CSTPP1: variants seen among roughly 807,000 people sequenced by gnomAD.
CSTPP1 encodes the protein UPF0705 protein C11orf49.
chr11:47,152,028 T>C, the CSTPP1 span, among the ~76,000 whole-genome samples: 2 of 152,030 alleles, frequency 1.3e-5, no homozygotes, highest in African/African-American at 4.8e-5. Flanking sequence ...TATAGGCGGA[T>C]CACTTGAGGT....
chr11:47,038,659 G>T, the CSTPP1 span, among the ~76,000 whole-genome samples: 1 of 122,224 alleles, frequency 8.2e-6, no homozygotes, highest in Admixed American at 8.5e-5. Flanking sequence ...TCCCGGACGG[G>T]GTGGCTGGCC....
the CSTPP1 span, among the ~76,000 whole-genome samples, chr11:46,942,877 G>T: frequency 6.6e-6 from 1 of 152,110 alleles, no homozygotes; most frequent in Admixed American, 6.5e-5. Flanking sequence ...TCATACCCAG[G>T]TTTGTCATAT....
the CSTPP1 span, among the ~76,000 whole-genome samples, chr11:46,937,472 G>C: frequency 6.6e-6 from 1 of 152,200 alleles, no homozygotes; most frequent in Non-Finnish European, 1.5e-5. Flanking sequence ...GTAGTACTTT[G>C]TTGAGCATCT....
At chr11:47,156,589 A>G in the CSTPP1 span, among the ~76,000 whole-genome samples, 1 of 152,186 alleles carries the variant, frequency 6.6e-6, no homozygotes, top group East Asian at 1.9e-4. Context: ...CACTCCTCCA[A>G]AAAATATTTA....
At chr11:47,116,772 C>T in the CSTPP1 span, among the ~76,000 whole-genome samples, 10 of 151,066 alleles carry the variant, frequency 6.6e-5, no homozygotes, top group African/African-American at 2.0e-4. Context: ...CTCCGCCTCC[C>T]GGGTTCACGC....
chr11:47,025,052 A>G, the CSTPP1 span, among the ~76,000 whole-genome samples: 47 of 152,194 alleles, frequency 3.1e-4, no homozygotes, highest in African/African-American at 1.1e-3. Context: ...ATTTGTGCCT[A>G]TAGTGCCCTT....
chr11:47,080,806 C>T, the CSTPP1 span, among the ~76,000 whole-genome samples: 3 of 151,850 alleles, frequency 2.0e-5, no homozygotes, highest in Non-Finnish European at 2.9e-5. Context: ...CCTAGGAGTT[C>T]GAGACCAGCC....
At chr11:47,111,570 C>T in the CSTPP1 span, among the ~76,000 whole-genome samples, 948 of 152,288 alleles carry the variant, frequency 6.2e-3, 14 homozygotes, top group African/African-American at 0.022. Context: ...CCACACCCCA[C>T]TCCTTCCCTG....
the CSTPP1 span, chr11:46,987,503 T>A: frequency 3.5e-6 from 2 of 568,432 alleles, no homozygotes; most frequent in East Asian, 5.7e-5. Flanking sequence ...TGTCCAGTGA[T>A]GTCTCATGAA....
the CSTPP1 span, among the ~76,000 whole-genome samples, chr11:47,028,930 CG>C: frequency 6.6e-6 from 1 of 152,136 alleles, no homozygotes; most frequent in Non-Finnish European, 1.5e-5. Flanking sequence ...CTCTCCCTCC[CG>C]GGCTCAAGCC....
At chr11:47,068,816 T>C in the CSTPP1 span, among the ~76,000 whole-genome samples, 1 of 152,212 alleles carries the variant, frequency 6.6e-6, no homozygotes, top group African/African-American at 2.4e-5. Flanking sequence ...CTTGACAACA[T>C]CTGTCTTCTC....
At chr11:47,045,704 A>G in the CSTPP1 span, among the ~76,000 whole-genome samples, 2 of 152,238 alleles carry the variant, frequency 1.3e-5, no homozygotes, top group East Asian at 1.9e-4. Flanking sequence ...GGGAAACAGT[A>G]GTGAGCATGA....
At chr11:47,128,719 T>A in the CSTPP1 span, among the ~76,000 whole-genome samples, 1 of 152,150 alleles carries the variant, frequency 6.6e-6, no homozygotes, top group Non-Finnish European at 1.5e-5. Context: ...GTATATATAT[T>A]AAAACATTTT....
chr11:47,054,228 G>A, the CSTPP1 span, among the ~76,000 whole-genome samples: 3 of 148,212 alleles, frequency 2.0e-5, no homozygotes, highest in Admixed American at 2.0e-4. Flanking sequence ...GGAGAATGGT[G>A]TGAACCCAGG....
the CSTPP1 span, among the ~76,000 whole-genome samples, chr11:46,957,853 A>G: frequency 6.6e-6 from 1 of 152,246 alleles, no homozygotes; most frequent in Admixed American, 6.5e-5. Context: ...CTTTTGTTGA[A>G]TATCAAAAAT....
chr11:47,084,906 C>T, the CSTPP1 span, among the ~76,000 whole-genome samples: 48 of 152,098 alleles, frequency 3.2e-4, no homozygotes, highest in Admixed American at 2.2e-3. Flanking sequence ...TAAGAATCGC[C>T]GGGTGCGATG....
chr11:47,157,692 C>T, the CSTPP1 span: 2 of 903,716 alleles, frequency 2.2e-6, no homozygotes, highest in Non-Finnish European at 3.5e-6. Flanking sequence ...CCCCCAGGGC[C>T]TTGGGGCTCC....
the CSTPP1 span, among the ~76,000 whole-genome samples, chr11:47,082,149 C>CAAAA: frequency 1.4e-4 from 12 of 83,258 alleles, no homozygotes; most frequent in East Asian, 1.9e-3. Context: ...GACCCTGTCT[C>CAAAA]AAAAAAAAAA....
chr11:47,135,814 T>C, the CSTPP1 span, among the ~76,000 whole-genome samples: 1 of 152,224 alleles, frequency 6.6e-6, no homozygotes, highest in African/African-American at 2.4e-5. Context: ...TTTTGTTGTG[T>C]TAGAGAAGCA....
Sources: allele counts gnomAD v4.1 joint callset (sites outside exome capture counted in the v4.1 genomes callset), GRCh38; gene constraint gnomAD v4.1.1; transcripts MANE v1.5; gene names NCBI Gene and HGNC (gene_info 2026-07-23, HGNC 2026-07-21).